SKIC2: variants seen among roughly 807,000 people sequenced by gnomAD.
SKIC2 encodes SKI2 subunit of superkiller complex, also known as superkiller complex protein 2.
the SKIC2 span, chr6:31,959,242 G>A: frequency 1.2e-6 from 2 of 1,607,608 alleles, no homozygotes; most frequent in African/African-American, 1.3e-5. Context: ...GAAATGGAAC[G>A]GAGTAGCCGA....
chr6:31,959,916 C>A, the SKIC2 span: 2 of 890,658 alleles, frequency 2.2e-6, no homozygotes, highest in Non-Finnish European at 3.7e-6. Flanking sequence ...GACACATCTG[C>A]CATTTCTGAT....
At chr6:31,967,027 A>G in the SKIC2 span, 1 of 1,613,016 alleles carries the variant, frequency 6.2e-7, no homozygotes. The surrounding 1 kb of genome is among the most constrained non-coding windows in gnomAD (Gnocchi z 4.9). Context: ...CCCTGGCTGA[A>G]CTGACCAAGA....
the SKIC2 span, chr6:31,961,134 G>A: frequency 6.2e-7 from 1 of 1,603,218 alleles, no homozygotes; most frequent in Non-Finnish European, 8.5e-7. Context: ...GAGAAGTCAT[G>A]TCCTTCTCCT....
the SKIC2 span, chr6:31,967,513 C>A: frequency 1.3e-6 from 1 of 787,744 alleles, no homozygotes. This position sits in a 1 kb window ranked among gnomAD's most constrained non-coding sequence, Gnocchi z 4.9. Context: ...TCACCCTCTC[C>A]CTTCCCATCA....
the SKIC2 span, chr6:31,962,429 C>T: frequency 6.2e-7 from 1 of 1,613,994 alleles, no homozygotes. The surrounding 1 kb of genome is among the most constrained non-coding windows in gnomAD (Gnocchi z 5.0). Context: ...ACTTCATGCT[C>T]TCTTCCCAGC....
chr6:31,960,022 C>T, the SKIC2 span: 1 of 1,612,760 alleles, frequency 6.2e-7, no homozygotes, highest in Admixed American at 1.7e-5. Flanking sequence ...TCCCCATGGC[C>T]TCCCTCCTTG....
the SKIC2 span, chr6:31,959,415 A>T: frequency 6.3e-7 from 1 of 1,582,230 alleles, no homozygotes; most frequent in Non-Finnish European, 8.7e-7. Flanking sequence ...GTGACTTTTG[A>T]CCCTAACCTT....
chr6:31,962,748 G>T, the SKIC2 span: 2 of 1,612,890 alleles, frequency 1.2e-6, no homozygotes, highest in Non-Finnish European at 1.7e-6. The surrounding 1 kb of genome is among the most constrained non-coding windows in gnomAD (Gnocchi z 5.0). Context: ...TGTTATTCGG[G>T]ACCTGGAGTG....
At chr6:31,962,679 C>T in the SKIC2 span, 2 of 1,606,682 alleles carry the variant, frequency 1.2e-6, no homozygotes, top group South Asian at 1.1e-5. This position sits in a 1 kb window ranked among gnomAD's most constrained non-coding sequence, Gnocchi z 5.0. Flanking sequence ...GGAGACGAGC[C>T]ACTGGGGAGT....
At chr6:31,967,927 A>G in the SKIC2 span, 13 of 1,612,976 alleles carry the variant, frequency 8.1e-6, no homozygotes, top group African/African-American at 1.5e-4. The surrounding 1 kb of genome is among the most constrained non-coding windows in gnomAD (Gnocchi z 4.9). Flanking sequence ...GTCCATGGCA[A>G]TGTCTGCCCT....
chr6:31,969,724 T>A, the SKIC2 span: 1 of 1,583,882 alleles, frequency 6.3e-7, no homozygotes, highest in Non-Finnish European at 8.6e-7. The surrounding 1 kb of genome is among the most constrained non-coding windows in gnomAD (Gnocchi z 6.1). Flanking sequence ...GAATGCCCCA[T>A]GTAAAAACAT....
At chr6:31,963,151 T>TG in the SKIC2 span, 1,312 of 1,213,102 alleles carry the variant, frequency 1.1e-3, 11 homozygotes, top group Admixed American at 0.016. This position sits in a 1 kb window ranked among gnomAD's most constrained non-coding sequence, Gnocchi z 5.3. Flanking sequence ...TTGATTCGGG[T>TG]GGGGGACTAA....
the SKIC2 span, chr6:31,962,297 C>A: frequency 9.8e-7 from 1 of 1,016,688 alleles, no homozygotes; most frequent in Non-Finnish European, 1.5e-6. The surrounding 1 kb of genome is among the most constrained non-coding windows in gnomAD (Gnocchi z 5.0). Context: ...TTATATCATG[C>A]AGGAGAATGT....
the SKIC2 span, chr6:31,962,703 C>T: frequency 8.1e-6 from 13 of 1,612,368 alleles, no homozygotes; most frequent in Non-Finnish European, 8.5e-6. This position sits in a 1 kb window ranked among gnomAD's most constrained non-coding sequence, Gnocchi z 5.0. Flanking sequence ...TCCTTGGCCT[C>T]TTCTCCCCAG....
At chr6:31,966,789 G>C in the SKIC2 span, 1 of 1,614,088 alleles carries the variant, frequency 6.2e-7, no homozygotes, top group Non-Finnish European at 8.5e-7. This position sits in a 1 kb window ranked among gnomAD's most constrained non-coding sequence, Gnocchi z 5.9. Flanking sequence ...ATGCCCTCAG[G>C]GTGGAGGACA....
the SKIC2 span, chr6:31,961,761 G>A: frequency 5.1e-6 from 8 of 1,560,986 alleles, no homozygotes; most frequent in Admixed American, 1.2e-4. Flanking sequence ...ATTGGCCAGA[G>A]GTCAGATCCA....
At chr6:31,963,057 G>A in the SKIC2 span, 23 of 1,612,572 alleles carry the variant, frequency 1.4e-5, no homozygotes, top group Non-Finnish European at 1.8e-5. The surrounding 1 kb of genome is among the most constrained non-coding windows in gnomAD (Gnocchi z 5.3). Context: ...GAGTGCCACC[G>A]TCCCCAACGC....
At chr6:31,969,515 C>T in the SKIC2 span, 2 of 1,613,186 alleles carry the variant, frequency 1.2e-6, no homozygotes. The surrounding 1 kb of genome is among the most constrained non-coding windows in gnomAD (Gnocchi z 6.1). Context: ...TTCCCCACAG[C>T]CCTTCTCCGA....
the SKIC2 span, chr6:31,960,936 C>T: frequency 1.0e-6 from 1 of 968,186 alleles, no homozygotes. Flanking sequence ...GCAAACATCC[C>T]TATCTACAGC....
Sources: gnomAD v4.1 joint callset for allele counts on GRCh38, gnomAD v4.1.1 for gene constraint, Gnocchi (gnomAD v3.1) non-coding constraint, MANE v1.5 for transcripts, NCBI Gene and HGNC (gene_info 2026-07-23, HGNC 2026-07-21) for gene names.